Variants in PARD3 observed in about 807,000 individuals in gnomAD.
PARD3 encodes par-3 family cell polarity regulator, also known as partitioning defective 3 homolog.
A neutral mutation model predicts 155.4 loss-of-function variants in PARD3; 75 were observed. The observed-to-expected ratio is 0.48, with a 90% CI of 0.40 to 0.58. The LOEUF is 0.58. Among genes scored for constraint, PARD3 ranks in the 20% least tolerant of loss-of-function variants. The pLI is 0.00. For missense variants in PARD3, 1,642 were observed against 1,721.7 expected, an observed-to-expected ratio of 0.95 and a Z score of 0.82; for synonymous variants, 576 against 610.5, an observed-to-expected ratio of 0.94 and a Z score of 0.83.
At chr10:34,225,001 T>C (rs1328415712) in intron 22 of PARD3, among the ~76,000 whole-genome samples, 1 of 152,180 alleles carries the variant, frequency 6.6e-6, no homozygotes, top group African/African-American at 2.4e-5. Context: ...GTTTTAAATT[T>C]TGAAAGAGAG....
intron 20 of PARD3, among the ~76,000 whole-genome samples, chr10:34,316,341 GAAC>G (rs905257648): frequency 6.6e-6 from 1 of 152,088 alleles, no homozygotes; most frequent in African/African-American, 2.4e-5. Context: ...TGCAACTTCT[GAAC>G]AACTTGTCAC....
intron 22 of PARD3, among the ~76,000 whole-genome samples, chr10:34,241,972 C>A (rs1425135184): frequency 6.6e-6 from 1 of 152,104 alleles, no homozygotes; most frequent in Non-Finnish European, 1.5e-5. Flanking sequence ...AAAATCTCTT[C>A]TCATTTTAAG....
At chr10:34,258,288 G>T (rs1308687111) in intron 22 of PARD3, among the ~76,000 whole-genome samples, 1 of 152,148 alleles carries the variant, frequency 6.6e-6, no homozygotes, top group African/African-American at 2.4e-5. Flanking sequence ...GATGGGAGAG[G>T]GGTCAGGAGA....
At chr10:34,174,937 T>G (rs950927787) in intron 22 of PARD3, among the ~76,000 whole-genome samples, 1 of 152,186 alleles carries the variant, frequency 6.6e-6, no homozygotes, top group Admixed American at 6.5e-5. Flanking sequence ...ACAATTCGTT[T>G]CAAAATTAAT....
intron 2 of PARD3, among the ~76,000 whole-genome samples, chr10:34,685,636 C>T (rs1191150583): frequency 6.6e-6 from 1 of 151,900 alleles, no homozygotes; most frequent in East Asian, 1.9e-4. Context: ...CTTTGTCGCC[C>T]AGGCTGGAGT....
intron 2 of PARD3, among the ~76,000 whole-genome samples, chr10:34,548,658 T>A (rs1005006025): frequency 6.6e-6 from 1 of 152,066 alleles, no homozygotes; most frequent in Non-Finnish European, 1.5e-5. Flanking sequence ...TTATGAACAA[T>A]CTTCCTTGAC....
At chr10:34,792,908 C>T (rs1841839685) in intron 1 of PARD3, among the ~76,000 whole-genome samples, 1 of 152,226 alleles carries the variant, frequency 6.6e-6, no homozygotes, top group Non-Finnish European at 1.5e-5. Context: ...GGAGTAACTT[C>T]CTTTCAAAAA....
intron 2 of PARD3, among the ~76,000 whole-genome samples, chr10:34,656,758 T>C (rs1027779601): frequency 1.3e-5 from 2 of 152,208 alleles, no homozygotes. Flanking sequence ...ATTTACATTA[T>C]GAATAATAAC....
intron 22 of PARD3, among the ~76,000 whole-genome samples, chr10:34,240,219 T>C (rs2133644613): frequency 6.6e-6 from 1 of 152,360 alleles, no homozygotes; most frequent in South Asian, 2.1e-4. Flanking sequence ...CGTAAGAGAA[T>C]ACAGCGTGGT....
In PARD3 at chr10:34,563,931, A is replaced by G. The variant is rs372783450; in HGVS notation, c.223-46772T>C. 2.6e-5 allele frequency among the ~76,000 whole-genome samples: 4 copies of G among 152,360 alleles called. No homozygotes were observed. In the East Asian group the frequency reaches 5.8e-4, roughly 22 times the overall value. On this transcript the variant is annotated intron_variant, in intron 2 of 24. Coordinates refer to ENST00000374788, the MANE Select transcript of PARD3 (RefSeq NM_001184785.2). ...TATAATCTTTTCATAGATAAAATTC[A>G]TACCTGTTTTCAAAAATAACTAAGG...
chr10:34,294,353 G>T (rs1257604007), intron 20 of PARD3, among the ~76,000 whole-genome samples: 1 of 152,220 alleles, frequency 6.6e-6, no homozygotes, highest in Non-Finnish European at 1.5e-5. Flanking sequence ...TCTTACCCTT[G>T]TATGTTCATA....
chr10:34,393,575 G>GAA (rs1229626429), intron 7 of PARD3, among the ~76,000 whole-genome samples: 4 of 139,318 alleles, frequency 2.9e-5, no homozygotes, highest in African/African-American at 5.2e-5. Flanking sequence ...ATCTCAAAAG[G>GAA]AAAAAAAAAA....
At chr10:34,802,611 T>A (rs1172580780) in intron 1 of PARD3, among the ~76,000 whole-genome samples, 1 of 152,164 alleles carries the variant, frequency 6.6e-6, no homozygotes, top group Non-Finnish European at 1.5e-5. Flanking sequence ...GCTCTTCCAT[T>A]ATGGACATGT....
chr10:34,564,355 T>C (rs1177042084), intron 2 of PARD3, among the ~76,000 whole-genome samples: 3 of 152,220 alleles, frequency 2.0e-5, no homozygotes, highest in African/African-American at 7.2e-5. Flanking sequence ...CAACCTTCCT[T>C]CTTCACTAAC....
intron 22 of PARD3, among the ~76,000 whole-genome samples, chr10:34,210,157 A>G (rs930427809): frequency 7.9e-5 from 12 of 152,156 alleles, no homozygotes; most frequent in Admixed American, 7.9e-4. Context: ...ACATATAAAC[A>G]CCTATCTTCT....
intron 2 of PARD3, among the ~76,000 whole-genome samples, chr10:34,684,882 C>T (rs1226605640): frequency 2.2e-5 from 3 of 133,474 alleles, no homozygotes; most frequent in African/African-American, 1.1e-4. Flanking sequence ...CACACATACA[C>T]ACACACACAC....
At position 34,109,943 on chromosome 10, in the gene PARD3, T is replaced by C. The variant is rs573855011; in HGVS notation, c.*1226A>G. The C allele has an allele frequency of 1.3e-5, 2 of 151,628 alleles. No individual in the cohort carries two copies. The highest frequency in any genetic ancestry group is 1.9e-4 in the East Asian group (1 of 5,146). The allele number at this position is 151,628 out of a possible 1,614,324, so 9.4% of individuals were successfully genotyped here. On this transcript the variant is annotated 3_prime_UTR_variant, in exon 25 of 25. Transcript: ENST00000374788. The stretch of plus-strand genomic sequence containing the variant: ...AGGCACTTTAGCACCCCAGCCATGG[T>C]TTACAATACAGGATGTTCAGAACAA...
intron 1 of PARD3, among the ~76,000 whole-genome samples, chr10:34,748,097 G>A (rs1222567063): frequency 6.6e-6 from 1 of 152,174 alleles, no homozygotes; most frequent in East Asian, 1.9e-4. Flanking sequence ...GCGGGAGGAG[G>A]TGTCTAGGTC....
intron 3 of PARD3, among the ~76,000 whole-genome samples, chr10:34,512,896 TA>T (rs1038762650): frequency 2.8e-4 from 42 of 152,256 alleles, no homozygotes; most frequent in African/African-American, 9.6e-4. Flanking sequence ...CCCAAAAATC[TA>T]AGATTAACAA....
Sources: gnomAD v4.1 joint callset for allele counts (sites outside exome capture counted in the v4.1 genomes callset) on GRCh38, gnomAD v4.1.1 for gene constraint, MANE v1.5 for transcripts, NCBI Gene and HGNC (gene_info 2026-07-23, HGNC 2026-07-21) for gene names.